MED13L: variants seen among roughly 807,000 people sequenced by gnomAD.
MED13L encodes mediator complex subunit 13L, also known as mediator of RNA polymerase II transcription subunit 13-like.
Under a neutral mutation model 220.9 loss-of-function variants are expected in MED13L, and 7 were observed. The ratio of observed to expected loss-of-function variants is 0.03; its 90% confidence interval spans 0.02 to 0.06. The LOEUF is 0.06. Among genes scored for constraint, MED13L ranks in the 10% least tolerant of loss-of-function variants. The probability of loss-of-function intolerance (pLI) is 1.00; values close to 1 mark genes in which losing one functional copy is unlikely to be tolerated. For missense variants in MED13L, 1,965 were observed against 2,760.5 expected (o/e 0.71, Z 6.46); for synonymous variants, 1,011 against 1,015.2 (o/e 1.00, Z 0.08).
At chr12:116,025,486 C>CAT (rs933418900) in intron 4 of MED13L, among the ~76,000 whole-genome samples, 5 of 152,132 alleles carry the variant, frequency 3.3e-5, no homozygotes, top group African/African-American at 1.2e-4. Flanking sequence ...CCTAAGTGTC[C>CAT]ATCAAGGGAT....
At chr12:116,185,232 A>G (rs996517688) in intron 2 of MED13L, among the ~76,000 whole-genome samples, 1 of 152,196 alleles carries the variant, frequency 6.6e-6, no homozygotes, top group Non-Finnish European at 1.5e-5. Flanking sequence ...GTAGAAAGCA[A>G]TATTATTGGA....
At position 115,958,732 on chromosome 12, in the gene MED13L, GTTA is replaced by G. The variant is rs992812974; in HGVS notation, c.*2531_*2533del. 1 of 152,404 alleles carries G rather than the reference GTTA, an allele frequency of 6.6e-6. No individual in the cohort carries two copies. The highest frequency in any genetic ancestry group is 2.4e-5 in the African/African-American group (1 of 41,388). The allele number at this position is 152,404 out of a possible 1,614,324, so 9.4% of individuals were successfully genotyped here. A position where few individuals can be genotyped will look rare whatever the true frequency, so the allele number is the denominator to read the frequency against. On this transcript the variant is annotated 3_prime_UTR_variant, in exon 31 of 31. Coordinates refer to ENST00000281928, the MANE Select transcript of MED13L (RefSeq NM_015335.5). ...TGTACTGTACCAGCGCTATACTGTA[GTTA>G]TTTTTTTAAATGAACTTCACATATT... is the stretch of plus-strand genomic sequence containing the variant.
intron 2 of MED13L, among the ~76,000 whole-genome samples, chr12:116,152,044 A>AT (rs1010397325): frequency 2.0e-5 from 3 of 151,960 alleles, no homozygotes; most frequent in African/African-American, 7.3e-5. Context: ...TCTCCTAAGC[A>AT]TTTTCACTGA....
intron 2 of MED13L, among the ~76,000 whole-genome samples, chr12:116,232,728 G>C (rs1304463111): frequency 7.9e-5 from 12 of 152,170 alleles, no homozygotes. Flanking sequence ...GGGTTTTCCA[G>C]ATTGCATGTC....
At chr12:115,985,494 A>G (rs1364255085) in intron 19 of MED13L, among the ~76,000 whole-genome samples, 1 of 152,240 alleles carries the variant, frequency 6.6e-6, no homozygotes, top group African/African-American at 2.4e-5. Context: ...AACCACTTTC[A>G]TAATGTTTAC....
At chr12:116,152,988 G>T (rs1201787363) in intron 2 of MED13L, among the ~76,000 whole-genome samples, 1 of 151,990 alleles carries the variant, frequency 6.6e-6, no homozygotes, top group Non-Finnish European at 1.5e-5. Flanking sequence ...CTGGAGTCCA[G>T]TCCCAGGTAG....
Position 116,111,512 on chromosome 12 carries a change from A to G in MED13L, c.311T>C (p.Val104Ala), listed in dbSNP as rs1490084394. 1 of 1,599,162 alleles carries G rather than the reference A, an allele frequency of 6.3e-7. No individual in the cohort carries two copies. Among genetic ancestry groups the G allele is most frequent in the South Asian group, 1.1e-5 (1 of 88,430 alleles). The part of the protein sequence containing the change: ...LVGVIHHELQ[V>A]VEEGLWENGL... The stretch of plus-strand genomic sequence containing the variant: ...ATTTTCCCAGAGTCCTTCTTCCACA[A>G]CTGAAAAAAAAAAGAAAAAAGAAAA... Residue 104 changes from valine to alanine, a missense_variant and splice_region_variant, in exon 3 of 31, where the codon GTT becomes GCT. By Grantham distance (64) the Val-to-Ala change is moderately conservative. Coordinates refer to ENST00000281928, the MANE Select transcript of MED13L (RefSeq NM_015335.5).
At chr12:116,277,032 G>GCCCCCACC in intron 1 of MED13L, 28 bp downstream of exon 1, 1 of 1,021,386 alleles carries the variant, frequency 9.8e-7, no homozygotes, top group Non-Finnish European at 1.5e-6. Flanking sequence ...CCCCGGCACA[G>GCCCCCACC]CCCCCTCCCC....
At chr12:116,268,505 A>C (rs2138581475) in intron 1 of MED13L, among the ~76,000 whole-genome samples, 1 of 152,220 alleles carries the variant, frequency 6.6e-6, no homozygotes, top group South Asian at 2.1e-4. Context: ...TATACTCAAA[A>C]ATACTTCCTC....
At chr12:116,016,857 T>C (rs1879755582) in intron 7 of MED13L, among the ~76,000 whole-genome samples, 1 of 152,202 alleles carries the variant, frequency 6.6e-6, no homozygotes, top group Non-Finnish European at 1.5e-5. Flanking sequence ...GTATGAGTAA[T>C]GTCACTAATA....
intron 21 of MED13L, 107 bp downstream of exon 21, chr12:115,983,010 C>T (rs1877435115): frequency 7.9e-7 from 1 of 1,272,364 alleles, no homozygotes. Flanking sequence ...AAATAGAGCA[C>T]TTCATAGGAT....
intron 30 of MED13L, among the ~76,000 whole-genome samples, chr12:115,961,744 G>C (rs1875772613): frequency 6.6e-6 from 1 of 152,148 alleles, no homozygotes; most frequent in South Asian, 2.1e-4. Flanking sequence ...CCGAGGTGGG[G>C]GTGGATCACC....
At chr12:116,185,541 T>C (rs770761822) in intron 2 of MED13L, among the ~76,000 whole-genome samples, 7 of 152,170 alleles carry the variant, frequency 4.6e-5, no homozygotes, top group Non-Finnish European at 1.0e-4. Context: ...CAAAATTCCT[T>C]AGCATACTAC....
intron 2 of MED13L, among the ~76,000 whole-genome samples, chr12:116,152,476 C>T (rs894925575): frequency 6.6e-6 from 1 of 152,152 alleles, no homozygotes; most frequent in Non-Finnish European, 1.5e-5. Flanking sequence ...GCAAAGAATG[C>T]AAGCCACAGT....
chr12:116,038,216 GTTACT>G (rs1231218607), intron 4 of MED13L, among the ~76,000 whole-genome samples: 4 of 151,106 alleles, frequency 2.6e-5, no homozygotes, highest in South Asian at 2.1e-4. Context: ...CGTTTTGGAG[GTTACT>G]TTAAAGATAG....
At chr12:116,074,831 C>T (rs1224075193) in intron 4 of MED13L, among the ~76,000 whole-genome samples, 2 of 152,210 alleles carry the variant, frequency 1.3e-5, no homozygotes, top group African/African-American at 4.8e-5. Context: ...CAGCTTAGCC[C>T]CTTAGGGCAA....
intron 1 of MED13L, among the ~76,000 whole-genome samples, chr12:116,267,020 ATATT>A (rs1256357588): frequency 6.6e-6 from 1 of 152,238 alleles, no homozygotes; most frequent in Non-Finnish European, 1.5e-5. Context: ...GAAGAAAAAT[ATATT>A]TATTAAGTAC....
chr12:116,078,003 G>A (rs923351010), intron 4 of MED13L, among the ~76,000 whole-genome samples: 62 of 152,088 alleles, frequency 4.1e-4, no homozygotes, highest in African/African-American at 1.4e-3. Context: ...CATTAGCCGG[G>A]CATGGTGGCA....
chr12:116,026,760 G>T (rs1880417890), intron 4 of MED13L, among the ~76,000 whole-genome samples: 1 of 152,152 alleles, frequency 6.6e-6, no homozygotes, highest in African/African-American at 2.4e-5. Flanking sequence ...ATCCCCCTGT[G>T]ACCTAGCAAC....
Sources: gnomAD v4.1 joint callset for allele counts (sites outside exome capture counted in the v4.1 genomes callset) on GRCh38, gnomAD v4.1.1 for gene constraint, MANE v1.5 for transcripts, NCBI Gene and HGNC (gene_info 2026-07-23, HGNC 2026-07-21) for gene names.